Variants in CAPZA1 observed in about 807,000 individuals in gnomAD.
The protein encoded by CAPZA1 is capping actin protein of muscle Z-line subunit alpha 1.
Under a neutral mutation model 40.8 loss-of-function variants are expected in CAPZA1, and 10 were observed. The ratio of observed to expected loss-of-function variants is 0.25; its 90% CI spans 0.15 to 0.42. CAPZA1 has a LOEUF of 0.42. CAPZA1 is among the 10% of genes least tolerant of loss of function. The probability of loss-of-function intolerance (pLI) is 1.00; values close to 1 mark genes in which losing one functional copy is unlikely to be tolerated. For missense variants in CAPZA1, 277 were observed against 353.8 expected (o/e 0.78, Z 1.74); for synonymous variants, 98 against 115.0 (o/e 0.85, Z 0.95).
At chr1:112,636,184 T>C (rs1406331724) in intron 1 of CAPZA1, among the ~76,000 whole-genome samples, 10 of 152,210 alleles carry the variant, frequency 6.6e-5, no homozygotes, top group Non-Finnish European at 1.5e-4. Flanking sequence ...TATGAAAATC[T>C]AAGAAAATTA....
At chr1:112,653,156 ATAAT>A (rs1163472112) in intron 3 of CAPZA1, among the ~76,000 whole-genome samples, 1 of 152,236 alleles carries the variant, frequency 6.6e-6, no homozygotes, top group Non-Finnish European at 1.5e-5. Context: ...GCAGTTCACA[ATAAT>A]TAGATTGCTT....
chr1:112,652,996 CCTT>C (rs1243435868), intron 3 of CAPZA1, among the ~76,000 whole-genome samples: 2 of 152,200 alleles, frequency 1.3e-5, no homozygotes, highest in African/African-American at 4.8e-5. Context: ...TCTCACTTCA[CCTT>C]CTTCGCATGT....
intron 7 of CAPZA1, among the ~76,000 whole-genome samples, chr1:112,660,775 A>C (rs1042780847): frequency 2.2e-4 from 34 of 151,352 alleles, no homozygotes; most frequent in Admixed American, 2.2e-3. Context: ...GAAGATCAGT[A>C]CCTAATCGTA....
At chr1:112,666,895 A>C (rs1671733542) in intron 7 of CAPZA1, 179 bp from the exon 8 acceptor site, 1 of 549,598 alleles carries the variant, frequency 1.8e-6, no homozygotes, top group Non-Finnish European at 3.3e-6. Context: ...CTTAAACTTA[A>C]GTGTTCTGTG....
intron 5 of CAPZA1, among the ~76,000 whole-genome samples, 163 bp from the exon 6 acceptor site, chr1:112,658,859 G>A (rs1378634939): frequency 2.0e-5 from 3 of 152,106 alleles, no homozygotes; most frequent in African/African-American, 4.8e-5. Flanking sequence ...AACCTAACAT[G>A]TTCTGCTTTG....
chr1:112,659,574 TTC>T (rs113906793), intron 6 of CAPZA1, 125 bp from the exon 7 acceptor site: 429 of 635,674 alleles, frequency 6.7e-4, no homozygotes, highest in South Asian at 1.3e-3. Flanking sequence ...AAATGACAGT[TTC>T]TCTCTCTCTC....
At chr1:112,635,674 G>A (rs372999266) in intron 1 of CAPZA1, among the ~76,000 whole-genome samples, 1 of 151,678 alleles carries the variant, frequency 6.6e-6, no homozygotes, top group East Asian at 2.0e-4. Context: ...GACCTGCCTC[G>A]GCATCTGAAA....
At chr1:112,662,967 G>A (rs1349216015) in intron 7 of CAPZA1, among the ~76,000 whole-genome samples, 1 of 150,716 alleles carries the variant, frequency 6.6e-6, no homozygotes, top group African/African-American at 2.4e-5. Flanking sequence ...CCCCCTTTTT[G>A]TTTTGTTTTG....
At position 112,670,029 on chromosome 1, in the gene CAPZA1, C is replaced by T; in HGVS notation, c.758C>T (p.Thr253Ile). The change falls in exon 10 of 10, where the codon ACC becomes ATC. Residue 253 changes from threonine to isoleucine, a missense_variant. By Grantham distance (89) the Thr-to-Ile change is moderately conservative. Coordinates refer to ENST00000263168, the MANE Select transcript of CAPZA1 (RefSeq NM_006135.3). ...ISENYQTMSD[T>I]TFKALRRQLP... is the part of the protein sequence containing the mutation. Reference sequence around the variant, plus strand: ...GAAAACTATCAAACAATGTCAGATACCACATTCAAGGCCTTGCGCCGGCAG... The same window carrying T: ...GAAAACTATCAAACAATGTCAGATATCACATTCAAGGCCTTGCGCCGGCAG... 6.2e-7 allele frequency: 1 copy of T among 1,613,874 alleles called. No individual in the cohort carries two copies. The highest frequency in any genetic ancestry group is 8.5e-7 in the Non-Finnish European group (1 of 1,179,798).
intron 5 of CAPZA1, 147 bp from the exon 6 acceptor site, chr1:112,658,875 A>T (rs1671546567): frequency 4.9e-6 from 3 of 613,028 alleles, no homozygotes; most frequent in East Asian, 5.4e-5. Context: ...CTTTGTTTTC[A>T]TATCCCATGT....
chr1:112,625,099 A>T (rs1373591891), intron 1 of CAPZA1, among the ~76,000 whole-genome samples: 1 of 151,972 alleles, frequency 6.6e-6, no homozygotes, highest in African/African-American at 2.4e-5. Context: ...TTCCCCTACA[A>T]TTATTTCTGT....
At position 112,665,307 on chromosome 1, in the gene CAPZA1, G is replaced by C. The variant is rs1028755938; in HGVS notation, c.586-1767G>C. Among the ~76,000 whole-genome samples, 76 of 151,194 alleles carry C rather than the reference G, an allele frequency of 5.0e-4. No individual in the cohort carries two copies. In the Middle Eastern group the frequency reaches 0.01, roughly 20 times the overall value. On this transcript the variant is annotated intron_variant, in intron 7 of 9. Transcript: ENST00000263168. Reference sequence around the variant, plus strand: ...TTCTCCTGCCTCAGCCTCCCAAGTAGCTGGGATTACAGATGCCTGCCACTA... The same window carrying C: ...TTCTCCTGCCTCAGCCTCCCAAGTACCTGGGATTACAGATGCCTGCCACTA...
intron 1 of CAPZA1, among the ~76,000 whole-genome samples, chr1:112,646,144 G>A (rs1434535947): frequency 6.6e-6 from 1 of 152,190 alleles, no homozygotes; most frequent in Non-Finnish European, 1.5e-5. Context: ...AGTATATCCA[G>A]AAAGGGAGAA....
At chr1:112,652,221 C>T (rs888417331) in intron 3 of CAPZA1, among the ~76,000 whole-genome samples, 3 of 151,474 alleles carry the variant, frequency 2.0e-5, no homozygotes, top group Admixed American at 6.6e-5. Context: ...GTGGTTCATG[C>T]CTGTAATCCC....
At chr1:112,623,123 GA>G (rs1670714488) in intron 1 of CAPZA1, among the ~76,000 whole-genome samples, 1 of 152,138 alleles carries the variant, frequency 6.6e-6, no homozygotes, top group Admixed American at 6.5e-5. Flanking sequence ...CTGACCTCGT[GA>G]TCCGCCTGCC....
chr1:112,628,090 G>A (rs192550220), intron 1 of CAPZA1, among the ~76,000 whole-genome samples: 12 of 152,250 alleles, frequency 7.9e-5, no homozygotes, highest in African/African-American at 1.2e-4. Flanking sequence ...TAAAGTCCCC[G>A]TAACAAGGCC....
Position 112,670,363 on chromosome 1 carries a change from T to A in CAPZA1, c.*231T>A. On this transcript the variant is annotated 3_prime_UTR_variant, in exon 10 of 10. Transcript: ENST00000263168. ...ATATCTACGTGTAAATCTTTTTTTC[T>A]TTTTTTTTTTTTTTTTTTGGTTAAT... is the stretch of plus-strand genomic sequence containing the variant. The A allele has an allele frequency of 6.3e-5, 7 of 110,298 alleles. No individual in the cohort carries two copies. Among genetic ancestry groups the A allele is most frequent in the African/African-American group, 4.4e-4 (2 of 4,592 alleles). The allele number at this position is 110,298 out of a possible 1,614,324, so 6.8% of individuals were successfully genotyped here. A position where few individuals can be genotyped will look rare whatever the true frequency, so the allele number is the denominator to read the frequency against.
chr1:112,666,247 A>G (rs1232618123), intron 7 of CAPZA1, among the ~76,000 whole-genome samples: 1 of 152,244 alleles, frequency 6.6e-6, no homozygotes, highest in Non-Finnish European at 1.5e-5. Context: ...TAAACCAGTT[A>G]TACTCCATTC....
chr1:112,643,426 C>G (rs975476795), intron 1 of CAPZA1, among the ~76,000 whole-genome samples: 4 of 152,162 alleles, frequency 2.6e-5, no homozygotes, highest in African/African-American at 9.7e-5. Context: ...CTTTATGTAC[C>G]TAAGAATATT....
Sources: gnomAD v4.1 joint callset for allele counts (sites outside exome capture counted in the v4.1 genomes callset) on GRCh38, gnomAD v4.1.1 for gene constraint, MANE v1.5 for transcripts, NCBI Gene and HGNC (gene_info 2026-07-23, HGNC 2026-07-21) for gene names.